ALS2: variants seen among roughly 807,000 people sequenced by gnomAD.
ALS2 encodes alsin.
Under a neutral mutation model 203.4 loss-of-function variants are expected in ALS2, and 117 were observed. The ratio of observed to expected loss-of-function variants is 0.58; its 90% CI spans 0.50 to 0.67. The LOEUF (loss-of-function observed/expected upper bound fraction) is 0.67. ALS2 is among the 30% of genes least tolerant of loss of function. ALS2 has a pLI of 0.00. For synonymous variants in ALS2, 718 were observed against 725.9 expected, an observed-to-expected ratio of 0.99 and a Z score of 0.17; for missense variants, 1,715 against 1,989.4, an observed-to-expected ratio of 0.86 and a Z score of 2.62.
rs1290550957 is a variant in ALS2, at chr2:201,760,561, T to C, written c.1113+320A>G. On this transcript the variant is annotated intron_variant, in intron 4 of 33. Transcript: ENST00000264276. The stretch of plus-strand genomic sequence containing the variant: ...TTGTGAATCTCTAGTTATATTAAAC[T>C]ATTCAGGGCCCACCAAAATTCAGTA... 3.6e-6 allele frequency: 4 copies of C among 1,096,972 alleles called. No homozygotes were observed. The East Asian group carries it at 2.3e-4, about 63-fold the overall frequency. 68.0% of individuals were successfully genotyped at this position (1,096,972 alleles called of 1,614,324 possible). A position where few individuals can be genotyped will look rare whatever the true frequency, so the allele number is the denominator to read the frequency against.
chr2:201,740,043 C>T (rs12151522), intron 11 of ALS2, among the ~76,000 whole-genome samples: 4 of 151,888 alleles, frequency 2.6e-5, no homozygotes, highest in African/African-American at 7.3e-5. Context: ...AAATAATTTT[C>T]GCCAGGCACA....
intron 28 of ALS2, 37 bp downstream of exon 28, chr2:201,707,832 T>C: frequency 1.2e-6 from 2 of 1,607,378 alleles, no homozygotes; most frequent in Non-Finnish European, 1.7e-6. Context: ...CTAGTCACCA[T>C]TCCCTTTCTT....
chr2:201,740,179 T>C (rs553099457), intron 11 of ALS2, among the ~76,000 whole-genome samples: 1 of 152,068 alleles, frequency 6.6e-6, no homozygotes, highest in Non-Finnish European at 1.5e-5. Flanking sequence ...TTAAAAAAAT[T>C]AGCTGGATGT....
At chr2:201,712,221 C>T (rs1690076699) in intron 25 of ALS2, among the ~76,000 whole-genome samples, 2 of 152,098 alleles carry the variant, frequency 1.3e-5, no homozygotes, top group East Asian at 1.9e-4. Context: ...CTAATCTCTC[C>T]AGGCTAGAAT....
Position 201,718,112 on chromosome 2 carries a change from A to C in ALS2, c.3801T>G (p.Ser1267Arg), listed in dbSNP as rs1226448573. 6.2e-7 allele frequency: 1 copy of C among 1,613,692 alleles called. No individual in the cohort carries two copies. The highest frequency in any genetic ancestry group is 8.5e-7 in the Non-Finnish European group (1 of 1,179,678). Reference sequence around the variant, plus strand: ...GTCTGTCTTTATCACTCTCATATAGACTAGGTTTGAAGTAGGTTCCAGTGA... The same window carrying C: ...GTCTGTCTTTATCACTCTCATATAGCCTAGGTTTGAAGTAGGTTCCAGTGA... ...IKITGTYFKP[S>R]LYESDKDRPK... Residue 1267 changes from serine to arginine, a missense_variant, in exon 24 of 34, where the codon AGT (serine) becomes AGG (arginine). Around this residue, in one of 3 missense-constraint regions of ALS2, gnomAD observed 1,227 missense variants for 1,413.5 expected, o/e 0.87. Coordinates refer to ENST00000264276, the MANE Select transcript of ALS2 (RefSeq NM_020919.4).
intron 8 of ALS2, among the ~76,000 whole-genome samples, chr2:201,748,204 TTG>T (rs139801413): frequency 4.5e-4 from 67 of 150,474 alleles, no homozygotes; most frequent in Middle Eastern, 3.4e-3. Flanking sequence ...TGTGTGTGTG[TTG>T]TGTGTGTGTG....
chr2:201,729,052 C>T lies in ALS2; in HGVS notation c.2712G>A (p.Thr904=), dbSNP rs201200488. 319 of 1,614,000 alleles carry T rather than the reference C, an allele frequency of 2.0e-4. No individual in the cohort carries two copies. Among genetic ancestry groups the T allele is most frequent in the South Asian group, 5.5e-4 (50 of 91,070 alleles). The change falls in exon 14 of 34, where the codon ACG becomes ACA. Residue 904 remains threonine, a splice_region_variant and synonymous_variant. Coordinates refer to ENST00000264276, the MANE Select transcript of ALS2 (RefSeq NM_020919.4). Reference sequence around the variant, plus strand: ...ACAAATGACAACTGGCATGGCTTACCGTCATTTTTCCGGGGAAGGTCTTCC... The same window carrying T: ...ACAAATGACAACTGGCATGGCTTACTGTCATTTTTCCGGGGAAGGTCTTCC... ...GFWKTFPGKM[T]DSLRKPERRL...
chr2:201,726,871 G>A lies in ALS2; in HGVS notation c.2980-5C>T, dbSNP rs1691203793. 1 of 1,613,244 alleles carries A rather than the reference G, an allele frequency of 6.2e-7. No individual in the cohort carries two copies. The highest frequency in any genetic ancestry group is 8.5e-7 in the Non-Finnish European group (1 of 1,179,574). On this transcript the variant is annotated splice_region_variant and splice_polypyrimidine_tract_variant and intron_variant, in intron 17 of 33. Coordinates refer to ENST00000264276, the MANE Select transcript of ALS2 (RefSeq NM_020919.4). ...TATAGCTCGTAGCCACTTTGTCTAG[G>A]AGCAAAAAGTAACGTCAATAAGTTT...
Position 201,753,108 on chromosome 2 carries a change from T to C in ALS2, c.1737+38A>G, listed in dbSNP as rs1693165081. The C allele has an allele frequency of 1.9e-6, 3 of 1,539,640 alleles. No individual in the cohort carries two copies. The African/African-American group carries it at 4.1e-5, about 21-fold the overall frequency. ...CCAACAATGTCATGTTGGCCTTCCA[T>C]GAAAATAAGGTAAAGCATTTAATAG... On this transcript the variant is annotated intron_variant, in intron 7 of 33. Transcript: ENST00000264276.
intron 33 of ALS2, among the ~76,000 whole-genome samples, chr2:201,703,890 T>C (rs1000035295): frequency 1.9e-4 from 29 of 152,210 alleles, no homozygotes; most frequent in Non-Finnish European, 2.6e-4. Context: ...TTGATCAATT[T>C]ACAAGGAGGA....
At chr2:201,720,183 C>A (rs1690676371) in intron 23 of ALS2, 4 of 393,072 alleles carry the variant, frequency 1.0e-5, no homozygotes, top group Non-Finnish European at 1.9e-5. Flanking sequence ...CAGACCATTA[C>A]CTCTCATAAA....
At position 201,701,827 on chromosome 2, in the gene ALS2, C is replaced by T; in HGVS notation, c.*24G>A. 6.2e-7 allele frequency: 1 copy of T among 1,611,806 alleles called. No homozygotes were observed. Among genetic ancestry groups the T allele is most frequent in the Non-Finnish European group, 8.5e-7 (1 of 1,178,170 alleles). On this transcript the variant is annotated 3_prime_UTR_variant, in exon 34 of 34. Transcript: ENST00000264276. The stretch of plus-strand genomic sequence containing the variant: ...GTTATAACACTCTGTAGTAGATAAT[C>T]CAGTTTTCAAGCTGTTATGCAGCCT...
chr2:201,713,133 CTTTTTTT>C (rs35807671), intron 25 of ALS2, among the ~76,000 whole-genome samples: 2 of 96,274 alleles, frequency 2.1e-5, no homozygotes, highest in South Asian at 6.6e-4. Flanking sequence ...CTTTTCTTTT[CTTTTTTT>C]TTTTTTTTTT....
chr2:201,718,341 C>T, intron 23 of ALS2, 131 bp from the exon 24 acceptor site: 2 of 980,424 alleles, frequency 2.0e-6, no homozygotes, highest in Non-Finnish European at 3.1e-6. Context: ...CTCACTGCAA[C>T]CTCCGCTTCC....
chr2:201,754,774 G>T, intron 5 of ALS2, 103 bp from the exon 6 acceptor site: 1 of 1,292,908 alleles, frequency 7.7e-7, no homozygotes, highest in South Asian at 1.3e-5. Context: ...CGCCACCAAT[G>T]GTATTTTTGA....
chr2:201,757,025 A>G (rs1000432084), intron 5 of ALS2, among the ~76,000 whole-genome samples: 4 of 152,200 alleles, frequency 2.6e-5, no homozygotes, highest in Non-Finnish European at 5.9e-5. Context: ...TTGAAGCTTA[A>G]GAATTCTCTC....
Position 201,761,655 on chromosome 2 carries a change from G to T in ALS2, c.339C>A (p.Tyr113Ter). 1.2e-6 allele frequency: 2 copies of T among 1,614,120 alleles called. No homozygotes were observed. The highest frequency in any genetic ancestry group is 1.7e-6 in the Non-Finnish European group (2 of 1,180,030). ...SGAVTDNGVA[Y>*]MWGENSAGQC... is the part of the protein sequence containing the mutation. ...GGCCAGCAGAATTCTCTCCCCACATGTACGCGACACCATTGTCTGTCACTG... is the reference window on the plus strand; with the variant it reads ...GGCCAGCAGAATTCTCTCCCCACATTTACGCGACACCATTGTCTGTCACTG... The change falls in exon 4 of 34, where the codon TAC becomes TAA. Residue 113 changes from tyrosine to a stop codon, truncating the protein, a stop_gained. Coordinates refer to ENST00000264276, the MANE Select transcript of ALS2 (RefSeq NM_020919.4). LOFTEE classifies it high-confidence loss of function.
intron 4 of ALS2, chr2:201,759,423 G>T (rs1693622782): frequency 3.2e-6 from 3 of 944,978 alleles, no homozygotes; most frequent in African/African-American, 3.6e-5. Context: ...TATTTACAAA[G>T]AATAAATTAA....
intron 24 of ALS2, among the ~76,000 whole-genome samples, chr2:201,717,864 CAGG>C (rs987351042): frequency 3.9e-5 from 6 of 151,902 alleles, no homozygotes; most frequent in African/African-American, 1.2e-4. Flanking sequence ...CACGTGAACC[CAGG>C]AGGTCAAGGC....
Sources: gnomAD v4.1 joint callset for allele counts (sites outside exome capture counted in the v4.1 genomes callset) on GRCh38, gnomAD v4.1.1 for gene constraint, gnomAD v4.1.1 regional missense constraint, MANE v1.5 for transcripts, NCBI Gene and HGNC (gene_info 2026-07-23, HGNC 2026-07-21) for gene names.